Variants in EIPR1 observed in about 807,000 individuals in gnomAD.
EIPR1 encodes EARP and GARP complex-interacting protein 1.
A neutral mutation model predicts 48.1 loss-of-function variants in EIPR1; 25 were observed. The ratio of observed to expected loss-of-function variants is 0.52; its 90% CI spans 0.38 to 0.73. The LOEUF (loss-of-function observed/expected upper bound fraction) is 0.73, where lower values mean the gene tolerates loss of function less well. Ranked by LOEUF, EIPR1 falls within the 30% of genes least tolerant of loss-of-function variation. The probability of loss-of-function intolerance (pLI) is 0.00; values close to 1 mark genes in which losing one functional copy is unlikely to be tolerated. For synonymous variants in EIPR1, 204 were observed against 201.9 expected (o/e 1.01, Z -0.09); for missense variants, 415 against 506.2 (o/e 0.82, Z 1.73).
chr2:3,247,906 T>C (rs1281878133), intron 4 of EIPR1, among the ~76,000 whole-genome samples: 1 of 152,200 alleles, frequency 6.6e-6, no homozygotes. Context: ...AGTCAAAGGG[T>C]AGAATTTTAT....
At chr2:3,311,083 A>G (rs1428259121) in intron 3 of EIPR1, among the ~76,000 whole-genome samples, 2 of 152,204 alleles carry the variant, frequency 1.3e-5, no homozygotes. Context: ...CAGAAATATC[A>G]CATTGCAATA....
chr2:3,365,786 AGAGCACAGG>A (rs1373293480), intron 1 of EIPR1, among the ~76,000 whole-genome samples: 1 of 151,250 alleles, frequency 6.6e-6, no homozygotes, highest in Non-Finnish European at 1.5e-5. Flanking sequence ...CATGTTTCAG[AGAGCACAGG>A]GTTGGGGGTA....
intron 3 of EIPR1, among the ~76,000 whole-genome samples, chr2:3,257,897 G>A (rs559478693): frequency 6.0e-4 from 92 of 152,282 alleles, no homozygotes; most frequent in African/African-American, 1.9e-3. Flanking sequence ...CACACTGAGC[G>A]ATATTCCATT....
At chr2:3,310,608 C>A (rs530312744) in intron 3 of EIPR1, among the ~76,000 whole-genome samples, 3 of 147,182 alleles carry the variant, frequency 2.0e-5, no homozygotes, top group African/African-American at 7.6e-5. Context: ...AGCCGAGATC[C>A]CGCCACTGCA....
At chr2:3,288,984 C>T (rs1269650006) in intron 3 of EIPR1, among the ~76,000 whole-genome samples, 1 of 152,248 alleles carries the variant, frequency 6.6e-6, no homozygotes, top group Non-Finnish European at 1.5e-5. Flanking sequence ...CAAGTGCCTG[C>T]ACGGCCGTAT....
chr2:3,345,373 T>G (rs1282138082), intron 2 of EIPR1, among the ~76,000 whole-genome samples: 2 of 150,988 alleles, frequency 1.3e-5, no homozygotes, highest in East Asian at 3.9e-4. Flanking sequence ...TTTGGGACTG[T>G]GGATCACCTG....
intron 3 of EIPR1, among the ~76,000 whole-genome samples, chr2:3,273,050 G>C (rs552621286): frequency 1.4e-4 from 21 of 152,274 alleles, no homozygotes; most frequent in African/African-American, 5.1e-4. Flanking sequence ...GCTACTAGGC[G>C]GTTTGATATT....
intron 3 of EIPR1, among the ~76,000 whole-genome samples, chr2:3,328,527 C>T (rs62119480): frequency 1.8e-5 from 2 of 111,436 alleles, no homozygotes; most frequent in African/African-American, 5.7e-5. Context: ...AATCAGAGCC[C>T]ACCCACCACG....
chr2:3,290,741 G>A (rs2103273163), intron 3 of EIPR1, among the ~76,000 whole-genome samples: 1 of 152,356 alleles, frequency 6.6e-6, no homozygotes, highest in African/African-American at 2.4e-5. Context: ...CAGTGGGGCT[G>A]AGCGCACTTG....
chr2:3,280,152 G>T (rs1318186601), intron 3 of EIPR1, among the ~76,000 whole-genome samples: 2 of 152,240 alleles, frequency 1.3e-5, no homozygotes, highest in Non-Finnish European at 1.5e-5. Flanking sequence ...GAAAAAAGGG[G>T]AGATGCAGCA....
chr2:3,229,830 G>C (rs1666183850), intron 4 of EIPR1, among the ~76,000 whole-genome samples: 1 of 152,180 alleles, frequency 6.6e-6, no homozygotes, highest in Non-Finnish European at 1.5e-5. Context: ...CTCATGTATG[G>C]TGGTCATTCC....
intron 3 of EIPR1, among the ~76,000 whole-genome samples, chr2:3,314,311 G>C (rs959200393): frequency 6.6e-5 from 10 of 152,144 alleles, no homozygotes; most frequent in Admixed American, 6.5e-4. Flanking sequence ...CCTTTCCTGA[G>C]GCCAGGGCTT....
chr2:3,311,669 A>G (rs1669131776), intron 3 of EIPR1, among the ~76,000 whole-genome samples: 1 of 152,214 alleles, frequency 6.6e-6, no homozygotes, highest in Admixed American at 6.5e-5. Context: ...TGGTGTCTGC[A>G]GAGTACAGGG....
At chr2:3,264,773 C>T (rs536358304) in intron 3 of EIPR1, among the ~76,000 whole-genome samples, 18 of 152,298 alleles carry the variant, frequency 1.2e-4, no homozygotes, top group African/African-American at 4.3e-4. Context: ...CTGCAACCTC[C>T]GCCTCCCGGG....
intron 5 of EIPR1, among the ~76,000 whole-genome samples, chr2:3,202,595 T>C (rs1354169331): frequency 6.6e-6 from 1 of 152,216 alleles, no homozygotes; most frequent in Non-Finnish European, 1.5e-5. Flanking sequence ...GACAAGTTCT[T>C]GATGACTCGT....
chr2:3,376,255 G>A (rs1659879449), intron 1 of EIPR1, among the ~76,000 whole-genome samples: 1 of 152,076 alleles, frequency 6.6e-6, no homozygotes, highest in African/African-American at 2.4e-5. Context: ...TGGGGGGGAG[G>A]GAGATGCATA....
chr2:3,264,772 C>G (rs1667436614), intron 3 of EIPR1, among the ~76,000 whole-genome samples: 1 of 152,210 alleles, frequency 6.6e-6, no homozygotes, highest in Admixed American at 6.5e-5. Context: ...ACTGCAACCT[C>G]CGCCTCCCGG....
At chr2:3,287,392 C>T (rs1416096465) in intron 3 of EIPR1, among the ~76,000 whole-genome samples, 1 of 149,764 alleles carries the variant, frequency 6.7e-6, no homozygotes, top group Non-Finnish European at 1.5e-5. Context: ...TTGTTCACCA[C>T]AATCCAGAAA....
At chr2:3,321,651 A>C (rs77835887) in intron 3 of EIPR1, among the ~76,000 whole-genome samples, 16 of 152,218 alleles carry the variant, frequency 1.1e-4, no homozygotes, top group Non-Finnish European at 1.8e-4. Context: ...GATCAAGGGG[A>C]AAATGCATCT....
Sources: allele counts gnomAD v4.1 joint callset (sites outside exome capture counted in the v4.1 genomes callset), GRCh38; gene constraint gnomAD v4.1.1; transcripts MANE v1.5; gene names NCBI Gene and HGNC (gene_info 2026-07-23, HGNC 2026-07-21).